The following FHIT variants were observed in gnomAD, a reference collection of about 807,000 sequenced individuals.
FHIT encodes the protein bis(5'-adenosyl)-triphosphatase.
In FHIT, 19 loss-of-function variants were observed where a neutral mutation model predicts 17.9. The observed-to-expected ratio is 1.06, with a 90% CI of 0.74 to 1.56. The LOEUF (loss-of-function observed/expected upper bound fraction) is 1.56, where lower values mean the gene tolerates loss of function less well. Ranked by LOEUF, FHIT falls within the 40% of genes most tolerant of loss-of-function variation. FHIT has a pLI of 0.00. For synonymous variants in FHIT, 81 were observed against 69.7 expected (o/e 1.16, Z -0.81); for missense variants, 248 against 189.2 (o/e 1.31, Z -1.82).
chr3:60,133,738 C>T lies in FHIT; in HGVS notation c.104-119586G>A, dbSNP rs906192723. ...TAACCTCTGCCAGAGCTCCTCCTGA[C>T]TTTTTTTTTTTTAATCCTAAAAGAG... On this transcript the variant is annotated intron_variant, in intron 5 of 9. Coordinates refer to ENST00000492590, the MANE Select transcript of FHIT (RefSeq NM_002012.4). Among the ~76,000 whole-genome samples the T allele has an allele frequency of 3.3e-4, 48 of 144,492 alleles. 1 individual carries two copies. The highest frequency in any genetic ancestry group is 3.5e-4 in the Admixed American group (5 of 14,366). The allele number at this position is 144,492 out of a possible 152,430, so 94.8% of individuals were successfully genotyped here. A position where few individuals can be genotyped will look rare whatever the true frequency, so the allele number is the denominator to read the frequency against.
chr3:60,331,400 C>T (rs566915810), intron 5 of FHIT, among the ~76,000 whole-genome samples: 4 of 152,204 alleles, frequency 2.6e-5, no homozygotes, highest in Admixed American at 6.5e-5. Context: ...TCTTTCCCAT[C>T]AGACCTTAGT....
At chr3:60,817,067 C>G (rs1220130621) in intron 4 of FHIT, among the ~76,000 whole-genome samples, 1 of 151,854 alleles carries the variant, frequency 6.6e-6, no homozygotes, top group Non-Finnish European at 1.5e-5. Context: ...AACATATATT[C>G]TTGATCTTTC....
chr3:60,945,672 G>A (rs782549328), intron 3 of FHIT, among the ~76,000 whole-genome samples: 1 of 152,194 alleles, frequency 6.6e-6, no homozygotes, highest in Non-Finnish European at 1.5e-5. Context: ...GGTTTATACA[G>A]TTCATGCAGA....
chr3:61,038,826 A>G (rs1227690743), intron 3 of FHIT, among the ~76,000 whole-genome samples: 1 of 152,216 alleles, frequency 6.6e-6, no homozygotes, highest in Non-Finnish European at 1.5e-5. Context: ...TGCAGGACCC[A>G]GAGCAAAATA....
At chr3:59,760,977 C>A (rs528572115) in intron 8 of FHIT, among the ~76,000 whole-genome samples, 4 of 152,130 alleles carry the variant, frequency 2.6e-5, no homozygotes, top group Non-Finnish European at 5.9e-5. Flanking sequence ...CTGTGCTCGG[C>A]CTAGAACTTT....
intron 5 of FHIT, among the ~76,000 whole-genome samples, chr3:60,316,683 A>G (rs931850661): frequency 2.0e-5 from 3 of 152,218 alleles, no homozygotes; most frequent in African/African-American, 7.2e-5. Flanking sequence ...GGCTCACTCA[A>G]AACAGATTAA....
At chr3:59,774,925 A>G (rs966190333) in intron 8 of FHIT, among the ~76,000 whole-genome samples, 5 of 152,170 alleles carry the variant, frequency 3.3e-5, no homozygotes, top group Non-Finnish European at 1.5e-5. Context: ...TAGACCAGCG[A>G]CATCAGCATC....
At chr3:60,227,320 C>T (rs921026981) in intron 5 of FHIT, among the ~76,000 whole-genome samples, 3 of 152,168 alleles carry the variant, frequency 2.0e-5, no homozygotes, top group Non-Finnish European at 1.5e-5. Context: ...AACTCTAATA[C>T]CTTAACTCTG....
At chr3:60,141,143 G>A (rs1559670899) in intron 5 of FHIT, among the ~76,000 whole-genome samples, 1 of 152,076 alleles carries the variant, frequency 6.6e-6, no homozygotes, top group Non-Finnish European at 1.5e-5. Context: ...TTCGAGGGGG[G>A]ATAACTGGAA....
chr3:59,932,773 A>G (rs902866818), intron 7 of FHIT, among the ~76,000 whole-genome samples: 2 of 152,288 alleles, frequency 1.3e-5, no homozygotes, highest in Middle Eastern at 3.4e-3. Context: ...TTACACTTCA[A>G]GTGGCTTCTT....
At chr3:60,063,205 A>C (rs1266659314) in intron 5 of FHIT, among the ~76,000 whole-genome samples, 4 of 152,176 alleles carry the variant, frequency 2.6e-5, no homozygotes, top group Admixed American at 2.0e-4. Flanking sequence ...GTTTGAGTAC[A>C]TTATAGTTAG....
chr3:60,830,768 C>T (rs17630955), intron 3 of FHIT, among the ~76,000 whole-genome samples: 6,896 of 152,142 alleles, frequency 0.045, 214 homozygotes, highest in South Asian at 0.1. Context: ...CCTACATTAT[C>T]GATATTAGAG....
At chr3:59,976,683 A>G (rs943756033) in intron 7 of FHIT, among the ~76,000 whole-genome samples, 8 of 152,184 alleles carry the variant, frequency 5.3e-5, no homozygotes, top group Admixed American at 2.6e-4. Flanking sequence ...AATCAAATCG[A>G]TATTTGCCTT....
At chr3:60,496,969 AAAC>A (rs1000558745) in intron 5 of FHIT, among the ~76,000 whole-genome samples, 19 of 148,174 alleles carry the variant, frequency 1.3e-4, no homozygotes, top group African/African-American at 2.9e-4. Context: ...TAAAAACAAA[AAAC>A]AAAAAAAAAC....
At chr3:60,454,054 T>G (rs974319578) in intron 5 of FHIT, among the ~76,000 whole-genome samples, 1 of 152,186 alleles carries the variant, frequency 6.6e-6, no homozygotes, top group African/African-American at 2.4e-5. Context: ...TCTGAGCTAC[T>G]AATCAAACCA....
At chr3:61,186,503 G>C (rs534730306) in intron 2 of FHIT, among the ~76,000 whole-genome samples, 1 of 152,344 alleles carries the variant, frequency 6.6e-6, no homozygotes, top group East Asian at 1.9e-4. Context: ...AGCCATAGCT[G>C]GCTGGATATG....
intron 3 of FHIT, among the ~76,000 whole-genome samples, chr3:61,006,811 C>T (rs1392610411): frequency 1.3e-5 from 2 of 151,672 alleles, no homozygotes; most frequent in Non-Finnish European, 2.9e-5. Context: ...TATCTAGATA[C>T]AAATATATAC....
At chr3:60,670,852 G>A (rs933667837) in intron 4 of FHIT, among the ~76,000 whole-genome samples, 3 of 152,082 alleles carry the variant, frequency 2.0e-5, no homozygotes, top group Non-Finnish European at 4.4e-5. Context: ...TGGACTTAAC[G>A]GGGTTCTGAA....
chr3:60,592,704 C>G (rs1156911765), intron 4 of FHIT, among the ~76,000 whole-genome samples: 6 of 152,136 alleles, frequency 3.9e-5, no homozygotes, highest in African/African-American at 9.7e-5. Context: ...ACAACCCCAC[C>G]TAGAAACAAG....
Sources: allele counts gnomAD v4.1 joint callset (sites outside exome capture counted in the v4.1 genomes callset), GRCh38; gene constraint gnomAD v4.1.1; transcripts MANE v1.5; gene names NCBI Gene and HGNC (gene_info 2026-07-23, HGNC 2026-07-21).